DTNBP1: variants seen among roughly 807,000 people sequenced by gnomAD.
The protein encoded by DTNBP1 is dystrobrevin binding protein 1.
Under a neutral mutation model 42.8 loss-of-function variants are expected in DTNBP1, and 35 were observed. That is an observed-to-expected ratio of 0.82 (90% confidence interval 0.63 to 1.09). The LOEUF (loss-of-function observed/expected upper bound fraction) is 1.09. Ranked by LOEUF, DTNBP1 falls within the 50% of genes least tolerant of loss-of-function variation. The pLI, the probability that DTNBP1 is intolerant of heterozygous loss-of-function variation, is 0.00. For synonymous variants in DTNBP1, 171 were observed against 162.2 expected (o/e 1.05, Z -0.41); for missense variants, 457 against 424.2 (o/e 1.08, Z -0.68).
chr6:15,632,814 C>G (rs1291277224), intron 4 of DTNBP1, among the ~76,000 whole-genome samples: 1 of 152,144 alleles, frequency 6.6e-6, no homozygotes, highest in Non-Finnish European at 1.5e-5. Flanking sequence ...CTGGAATAAA[C>G]TAAGTGTATT....
intron 7 of DTNBP1, among the ~76,000 whole-genome samples, chr6:15,551,330 CCTCA>C (rs1307346113): frequency 6.6e-6 from 1 of 152,152 alleles, no homozygotes; most frequent in Non-Finnish European, 1.5e-5. Context: ...AGATTTTACC[CCTCA>C]CTCTTCCTGT....
chr6:15,552,194 G>C (rs1385888949), intron 7 of DTNBP1, among the ~76,000 whole-genome samples: 1 of 152,084 alleles, frequency 6.6e-6, no homozygotes, highest in Non-Finnish European at 1.5e-5. Flanking sequence ...CGTTACCCAA[G>C]GGCTATGGAA....
chr6:15,591,916 A>C (rs1006333122), intron 7 of DTNBP1, among the ~76,000 whole-genome samples: 1 of 152,270 alleles, frequency 6.6e-6, no homozygotes. Context: ...TGAAAAAAGA[A>C]TGTATACAAG....
chr6:15,581,195 T>A (rs1008135590), intron 7 of DTNBP1, among the ~76,000 whole-genome samples: 1 of 152,218 alleles, frequency 6.6e-6, no homozygotes, highest in African/African-American at 2.4e-5. Flanking sequence ...TGTTTTCTTT[T>A]TTTAGACGGA....
chr6:15,527,299 A>G (rs1271221435), intron 8 of DTNBP1, among the ~76,000 whole-genome samples: 1 of 152,248 alleles, frequency 6.6e-6, no homozygotes, highest in East Asian at 1.9e-4. Context: ...TACCTATTTG[A>G]TGACTGACAT....
At chr6:15,575,439 A>T (rs1370164252) in intron 7 of DTNBP1, among the ~76,000 whole-genome samples, 5 of 152,218 alleles carry the variant, frequency 3.3e-5, no homozygotes, top group African/African-American at 1.2e-4. Flanking sequence ...AGACCACAGA[A>T]CAACTTCTCT....
At chr6:15,584,788 T>C (rs971361520) in intron 7 of DTNBP1, among the ~76,000 whole-genome samples, 1 of 146,956 alleles carries the variant, frequency 6.8e-6, no homozygotes. Context: ...TGCCATAACG[T>C]ATGCCAACTA....
intron 8 of DTNBP1, 47 bp from the exon 9 acceptor site, chr6:15,524,716 C>CT (rs765479927): frequency 1.9e-6 from 3 of 1,602,810 alleles, no homozygotes; most frequent in Non-Finnish European, 2.5e-6. Flanking sequence ...TTTAATATTA[C>CT]TTTAAAAGGT....
In DTNBP1 at chr6:15,627,324, A is replaced by G; in HGVS notation, c.355+19T>C. ...TTTTCATTCCTAAAAGTAATGTACAATGAAAACATTGGACTTACTCAGATT... is the reference window on the plus strand; with the variant it reads ...TTTTCATTCCTAAAAGTAATGTACAGTGAAAACATTGGACTTACTCAGATT... On this transcript the variant is annotated intron_variant, in intron 5 of 9. Coordinates refer to ENST00000344537, the MANE Select transcript of DTNBP1 (RefSeq NM_032122.5). 6.2e-7 allele frequency: 1 copy of G among 1,612,346 alleles called. No individual in the cohort carries two copies. The highest frequency in any genetic ancestry group is 8.5e-7 in the Non-Finnish European group (1 of 1,179,594).
Position 15,553,594 on chromosome 6 carries a change from C to CTTT in DTNBP1, c.512-20202_512-20200dup, listed in dbSNP as rs56173414. ...CAGTTCAATGCTCTTGACAAGTGAG[C>CTTT]TTTTTTTTTTTTGGCCTCAGACAGC... On this transcript the variant is annotated intron_variant, in intron 7 of 9. Transcript: ENST00000344537. 1.1e-3 allele frequency among the ~76,000 whole-genome samples: 83 copies of CTTT among 72,976 alleles called. 8 individuals are homozygous for CTTT. The Middle Eastern group carries it at 0.071, about 63-fold the overall frequency. 47.9% of individuals were successfully genotyped at this position (72,976 alleles called of 152,430 possible).
intron 1 of DTNBP1, among the ~76,000 whole-genome samples, chr6:15,662,182 G>C (rs1371313534): frequency 2.0e-5 from 3 of 152,280 alleles, no homozygotes; most frequent in Non-Finnish European, 4.4e-5. Context: ...CATTCCTAAA[G>C]TTCTGTCGCT....
At chr6:15,660,448 T>G in intron 1 of DTNBP1, 2 of 1,289,780 alleles carry the variant, frequency 1.6e-6, no homozygotes, top group Non-Finnish European at 2.0e-6. Flanking sequence ...CACTTGGAGA[T>G]GAGTTGTTTC....
intron 6 of DTNBP1, among the ~76,000 whole-genome samples, chr6:15,607,708 A>C (rs1185432867): frequency 6.6e-6 from 1 of 152,222 alleles, no homozygotes; most frequent in Non-Finnish European, 1.5e-5. Context: ...CTGATCACAT[A>C]CTGTTTTATC....
intron 7 of DTNBP1, among the ~76,000 whole-genome samples, chr6:15,579,478 A>G (rs956987859): frequency 1.3e-5 from 2 of 152,236 alleles, no homozygotes; most frequent in South Asian, 2.1e-4. Context: ...TAGGGTGACT[A>G]TAACAATTTA....
chr6:15,631,388 T>C (rs181066750), intron 4 of DTNBP1, among the ~76,000 whole-genome samples: 55 of 152,272 alleles, frequency 3.6e-4, no homozygotes, highest in Admixed American at 2.4e-3. Context: ...AGGAAATTCT[T>C]TCTCCTGTAT....
At chr6:15,581,761 GA>G (rs1300559093) in intron 7 of DTNBP1, among the ~76,000 whole-genome samples, 1 of 152,172 alleles carries the variant, frequency 6.6e-6, no homozygotes, top group Non-Finnish European at 1.5e-5. Context: ...TTACAGGCAT[GA>G]GCCATCGCGC....
chr6:15,631,392 C>T (rs1759686003), intron 4 of DTNBP1, among the ~76,000 whole-genome samples: 1 of 152,068 alleles, frequency 6.6e-6, no homozygotes, highest in East Asian at 1.9e-4. Flanking sequence ...AATTCTTTCT[C>T]CTGTATATAT....
intron 7 of DTNBP1, chr6:15,585,850 C>T: frequency 6.8e-7 from 1 of 1,479,722 alleles, no homozygotes; most frequent in Non-Finnish European, 9.0e-7. Flanking sequence ...CGTGCATCTT[C>T]TGGGATGTAG....
At chr6:15,652,012 T>C in intron 2 of DTNBP1, 75 bp downstream of exon 2, 6 of 1,296,454 alleles carry the variant, frequency 4.6e-6, no homozygotes, top group South Asian at 3.7e-5. Flanking sequence ...TTAATATAAC[T>C]ACACAATTGT....
Sources: allele counts gnomAD v4.1 joint callset (sites outside exome capture counted in the v4.1 genomes callset), GRCh38; gene constraint gnomAD v4.1.1; transcripts MANE v1.5; gene names NCBI Gene and HGNC (gene_info 2026-07-23, HGNC 2026-07-21).